TRMT5: variants seen among roughly 807,000 people sequenced by gnomAD.
TRMT5 encodes the protein tRNA methyltransferase 5.
In TRMT5, 31 loss-of-function variants were observed where a neutral mutation model predicts 42.2. The observed-to-expected ratio is 0.73, with a 90% CI of 0.55 to 0.99. TRMT5 has a LOEUF of 0.99. Ranked by LOEUF, TRMT5 falls within the 50% of genes least tolerant of loss-of-function variation. The pLI is 0.00. For missense variants in TRMT5, 568 were observed against 595.0 expected, an observed-to-expected ratio of 0.95 and a Z score of 0.47; for synonymous variants, 198 against 209.6, an observed-to-expected ratio of 0.94 and a Z score of 0.48.
chr14:60,976,072 G>A lies in TRMT5; in HGVS notation c.847C>T (p.Pro283Ser). ...EFDFSKVYWN[P>S]RLSTEHSRIT... Reference sequence around the variant, plus strand: ...CGGCTGTGTTCTGTAGACAGACGAGGATTCCAATAGACTTTTGAAAAATCA... The same window carrying A: ...CGGCTGTGTTCTGTAGACAGACGAGAATTCCAATAGACTTTTGAAAAATCA... The change falls in exon 4 of 5, where the codon CCT becomes TCT. Residue 283 changes from proline (P) to serine (S), a missense_variant. Transcript: ENST00000261249. The A allele has an allele frequency of 6.2e-7, 1 of 1,613,594 alleles. No homozygotes were observed. Among genetic ancestry groups the A allele is most frequent in the Non-Finnish European group, 8.5e-7 (1 of 1,179,846 alleles).
Position 60,972,614 on chromosome 14 carries a change from T to C in TRMT5, c.*2495A>G. The C allele has an allele frequency of 3.0e-6, 1 of 328,704 alleles. No individual in the cohort carries two copies. The highest frequency in any genetic ancestry group is 2.5e-5 in the South Asian group (1 of 39,468). The allele number at this position is 328,704 out of a possible 1,614,324, so 20.4% of individuals were successfully genotyped here. On this transcript the variant is annotated 3_prime_UTR_variant, in exon 5 of 5. Transcript: ENST00000261249. ...TGACAAAATTCAAAATATAGCCCAA[T>C]TTTTTGTAATGCCTTTTTTGGTGAG...
At position 60,979,240 on chromosome 14, in the gene TRMT5, G is replaced by A. The variant is rs369844139; in HGVS notation, c.658C>T (p.His220Tyr). Residue 220 changes from histidine to tyrosine, a missense_variant, in exon 2 of 5, where the codon CAT becomes TAT. By Grantham distance (83) the His-to-Tyr change is moderately conservative. Transcript: ENST00000261249. Reference protein sequence around the residue: ...NLRDHQLPFKHLIGQVMIDKN... With the variant: ...NLRDHQLPFKYLIGQVMIDKN... The stretch of plus-strand genomic sequence containing the variant: ...ACTATGACACACGTACCAATTAAAT[G>A]TTTGAAAGGCAGCTGATGATCTCGA... 9.4e-6 allele frequency: 15 copies of A among 1,602,816 alleles called. No homozygotes were observed. The highest frequency in any genetic ancestry group is 6.7e-5 in the East Asian group (3 of 44,720).
rs1234609391 is a variant in TRMT5 at position 60,973,684 on chromosome 14, T to A, written c.*1425A>T. ...AAATAAAAATAGAGTCAAAGAACCA[T>A]CCAGAATCATTTCCTTTTTAAAGTG... On this transcript the variant is annotated 3_prime_UTR_variant, in exon 5 of 5. Coordinates refer to ENST00000261249, the MANE Select transcript of TRMT5 (RefSeq NM_020810.3). The A allele has an allele frequency of 6.6e-6, 1 of 152,146 alleles. No homozygotes were observed. The highest frequency in any genetic ancestry group is 1.5e-5 in the Non-Finnish European group (1 of 68,028). 9.4% of individuals were successfully genotyped at this position (152,146 alleles called of 1,614,324 possible).
At chr14:60,981,622 T>C (rs952385564), upstream of TRMT5, 3 of 1,466,152 alleles carry the variant, frequency 2.0e-6, no homozygotes, top group South Asian at 2.4e-5. Flanking sequence ...GTGGAAGAGA[T>C]GCAGCGTTGA....
At chr14:60,977,722 T>C in intron 2 of TRMT5, 84 bp from the exon 3 acceptor site, 1 of 1,351,372 alleles carries the variant, frequency 7.4e-7, no homozygotes. Flanking sequence ...CAGAAATGAG[T>C]TGTATTTCTT....
rs1205039911 is a variant in TRMT5, at chr14:60,979,660, G to A, written c.238C>T (p.Arg80Ter). The A allele has an allele frequency of 1.9e-6, 3 of 1,613,834 alleles. No individual in the cohort carries two copies. Among genetic ancestry groups the A allele is most frequent in the African/African-American group, 1.3e-5 (1 of 74,844 alleles). ...TELFSPPSDV[R>*]GMTKLDRTAF... is the part of the protein sequence containing the mutation. ...GTTCTATCAAGTTTTGTCATGCCTC[G>A]GACATCAGAAGGTGGTGAAAACAAT... Residue 80 changes from arginine (R) to a stop codon, truncating the protein, a stop_gained, in exon 2 of 5, where the codon CGA becomes TGA. Transcript: ENST00000261249. LOFTEE classifies it high-confidence loss of function.
rs948706040 is a variant in TRMT5, at chr14:60,975,935, G to A, written c.984C>T (p.Leu328=). ...ACAGCCATTTATGAGATTCAGGATTGAGATCATTGGCAAATACAGTGCAGT... is the reference window on the plus strand; with the variant it reads ...ACAGCCATTTATGAGATTCAGGATTAAGATCATTGGCAAATACAGTGCAGT... ...KKNCTVFAND[L]NPESHKWLLY... Residue 328 remains leucine (L), a synonymous_variant, in exon 4 of 5, where the codon CTC becomes CTT. Transcript: ENST00000261249. 2.5e-6 allele frequency: 4 copies of A among 1,614,152 alleles called. No homozygotes were observed. The highest frequency in any genetic ancestry group is 3.4e-6 in the Non-Finnish European group (4 of 1,180,034).
In TRMT5 at chr14:60,973,551, A is replaced by C. The variant is rs1034055133; in HGVS notation, c.*1558T>G. 1 of 152,254 alleles carries C rather than the reference A, an allele frequency of 6.6e-6. No homozygotes were observed. The highest frequency in any genetic ancestry group is 1.5e-5 in the Non-Finnish European group (1 of 68,084). 9.4% of individuals were successfully genotyped at this position (152,254 alleles called of 1,614,324 possible). On this transcript the variant is annotated 3_prime_UTR_variant, in exon 5 of 5. Transcript: ENST00000261249. ...CACCTGTAACCTTCACACATTGGGA[A>C]GCCGAGATGGGAAGATCTCAAGCCT... is the stretch of plus-strand genomic sequence containing the variant.
intron 1 of TRMT5, 81 bp downstream of exon 1, chr14:60,980,882 G>A: frequency 1.2e-6 from 2 of 1,603,734 alleles, no homozygotes; most frequent in Non-Finnish European, 1.7e-6. Context: ...TCTGTGCCCA[G>A]GCAGCACATG....
intron 2 of TRMT5, among the ~76,000 whole-genome samples, chr14:60,978,203 A>G (rs1566590620): frequency 6.6e-6 from 1 of 152,218 alleles, no homozygotes; most frequent in Non-Finnish European, 1.5e-5. Flanking sequence ...GAGCAAAAAA[A>G]GCTACAGAAC....
At chr14:60,978,563 T>G (rs1248656156) in intron 2 of TRMT5, among the ~76,000 whole-genome samples, 4 of 152,194 alleles carry the variant, frequency 2.6e-5, no homozygotes, top group Non-Finnish European at 5.9e-5. Flanking sequence ...AAATTACTAC[T>G]GTATGAAAAT....
upstream of TRMT5, chr14:60,981,653 G>T: frequency 1.4e-6 from 2 of 1,432,776 alleles, no homozygotes; most frequent in Admixed American, 2.1e-5. Context: ...CGAACATGAT[G>T]GGATGAGCGG....
At position 60,974,801 on chromosome 14, in the gene TRMT5, C is replaced by T. The variant is rs1021289845; in HGVS notation, c.*308G>A. 1 of 167,016 alleles carries T rather than the reference C, an allele frequency of 6.0e-6. No individual in the cohort carries two copies. Among genetic ancestry groups the T allele is most frequent in the Admixed American group, 6.3e-5 (1 of 15,992 alleles). The allele number at this position is 167,016 out of a possible 1,614,324, so 10.3% of individuals were successfully genotyped here. ...AACTACAAAGTGGTGTTAATACCTT[C>T]CTAGTTAGTACTCAATCACCCTACT... On this transcript the variant is annotated 3_prime_UTR_variant, in exon 5 of 5. Coordinates refer to ENST00000261249, the MANE Select transcript of TRMT5 (RefSeq NM_020810.3).
Position 60,974,985 on chromosome 14 carries a change from T to A in TRMT5, c.*124A>T, listed in dbSNP as rs566548988. 3.4e-6 allele frequency: 2 copies of A among 586,636 alleles called. No homozygotes were observed. The highest frequency in any genetic ancestry group is 6.5e-5 in the East Asian group (2 of 30,798). 36.3% of individuals were successfully genotyped at this position (586,636 alleles called of 1,614,324 possible). Reference sequence around the variant, plus strand: ...TAAAGTTTAATTGGTAATCCTCAATTTGTAAAATAAGGCAAAGTACAAGGG... The same window carrying A: ...TAAAGTTTAATTGGTAATCCTCAATATGTAAAATAAGGCAAAGTACAAGGG... On this transcript the variant is annotated 3_prime_UTR_variant, in exon 5 of 5. Coordinates refer to ENST00000261249, the MANE Select transcript of TRMT5 (RefSeq NM_020810.3).
At position 60,973,071 on chromosome 14, in the gene TRMT5, T is replaced by A. The variant is rs1566587876; in HGVS notation, c.*2038A>T. The stretch of plus-strand genomic sequence containing the variant: ...ACTCAGAAAATATACTCACTAAAAT[T>A]TGTGGGAATGGAAATCTTGTTTCTT... On this transcript the variant is annotated 3_prime_UTR_variant, in exon 5 of 5. Transcript: ENST00000261249. The A allele has an allele frequency of 6.6e-6, 1 of 152,182 alleles. No individual in the cohort carries two copies. Among genetic ancestry groups the A allele is most frequent in the African/African-American group, 2.4e-5 (1 of 41,432 alleles). The allele number at this position is 152,182 out of a possible 1,614,324, so 9.4% of individuals were successfully genotyped here.
intron 1 of TRMT5, 23 bp downstream of exon 1, chr14:60,980,940 C>T: frequency 1.2e-6 from 2 of 1,612,664 alleles, no homozygotes; most frequent in Non-Finnish European, 1.7e-6. Flanking sequence ...GACCATTAGC[C>T]CCTAACGCGG....
At position 60,979,509 on chromosome 14, in the gene TRMT5, G is replaced by T. The variant is rs371889141; in HGVS notation, c.389C>A (p.Pro130Gln). 1 of 1,614,034 alleles carries T rather than the reference G, an allele frequency of 6.2e-7. No homozygotes were observed. The change falls in exon 2 of 5, where the codon CCG (proline) becomes CAG (glutamine). Residue 130 changes from proline to glutamine, a missense_variant. Physicochemically the swap from Pro to Gln is moderately conservative, Grantham distance 76. Transcript: ENST00000261249. ...RPGIRRVIED[P>Q]EDKESRLIML... ...GATTAGTCTACTTTCTTTATCTTCC[G>T]GATCTTCAATCACACGTCTTATGCC... is the stretch of plus-strand genomic sequence containing the variant.
rs1486450980 is a variant in TRMT5, at chr14:60,974,372, G to A, written c.*737C>T. ...TATACTAAAAAACTGGAATGGTACA[G>A]AGAAGATCAGAATGGTCCCTGCGCA... On this transcript the variant is annotated 3_prime_UTR_variant, in exon 5 of 5. Transcript: ENST00000261249. 6.6e-6 allele frequency: 1 copy of A among 152,312 alleles called. No homozygotes were observed. Among genetic ancestry groups the A allele is most frequent in the Non-Finnish European group, 1.5e-5 (1 of 68,046 alleles). 9.4% of individuals were successfully genotyped at this position (152,312 alleles called of 1,614,324 possible).
At chr14:60,976,225 A>G (rs577775360) in intron 3 of TRMT5, 99 bp from the exon 4 acceptor site, 1 of 1,367,026 alleles carries the variant, frequency 7.3e-7, no homozygotes, top group East Asian at 2.3e-5. Flanking sequence ...AAACACATAC[A>G]CATTTAAGTT....
Sources: allele counts gnomAD v4.1 joint callset (sites outside exome capture counted in the v4.1 genomes callset), GRCh38; gene constraint gnomAD v4.1.1; transcripts MANE v1.5; gene names NCBI Gene and HGNC (gene_info 2026-07-23, HGNC 2026-07-21).